SLCO3A1: variants seen among roughly 807,000 people sequenced by gnomAD.
SLCO3A1 encodes PGE1 transporter.
In SLCO3A1, 27 loss-of-function variants were observed where a neutral mutation model predicts 63.1. The observed-to-expected ratio is 0.43, with a 90% confidence interval of 0.32 to 0.59. The LOEUF is 0.59. SLCO3A1 is among the 20% of genes least tolerant of loss of function. SLCO3A1 has a pLI of 0.09. For synonymous variants in SLCO3A1, 473 were observed against 409.9 expected (o/e 1.15, Z -1.86); for missense variants, 773 against 945.8 (o/e 0.82, Z 2.40).
Position 91,875,655 on chromosome 15 carries a change from T to G in SLCO3A1, c.180+21567T>G, listed in dbSNP as rs1897381596. Reference sequence around the variant, plus strand: ...CCTGGAGACAGTTGCTCAGTCCGTGTTTTGCTTTGAAGGTTTTGCCGTAAC... The same window carrying G: ...CCTGGAGACAGTTGCTCAGTCCGTGGTTTGCTTTGAAGGTTTTGCCGTAAC... On this transcript the variant is annotated intron_variant, in intron 1 of 9. Coordinates refer to ENST00000318445, the MANE Select transcript of SLCO3A1 (RefSeq NM_013272.4). The surrounding 1 kb of genome is among the most constrained non-coding windows in gnomAD (Gnocchi z 4.5). Among the ~76,000 whole-genome samples, 1 of 152,198 alleles carries G rather than the reference T, an allele frequency of 6.6e-6. No homozygotes were observed.
At chr15:91,867,405 G>T (rs1035692585) in intron 1 of SLCO3A1, among the ~76,000 whole-genome samples, 1 of 152,194 alleles carries the variant, frequency 6.6e-6, no homozygotes, top group African/African-American at 2.4e-5. Context: ...TCCTGGGCCT[G>T]AGGACAAAAT....
At chr15:91,893,361 G>A (rs963332928) in intron 1 of SLCO3A1, among the ~76,000 whole-genome samples, 10 of 152,276 alleles carry the variant, frequency 6.6e-5, no homozygotes, top group Admixed American at 5.2e-4. Flanking sequence ...GGGTGGCTTA[G>A]AAACAACAAA....
chr15:91,989,230 T>C (rs2046094742), intron 2 of SLCO3A1, among the ~76,000 whole-genome samples: 1 of 152,226 alleles, frequency 6.6e-6, no homozygotes, highest in Non-Finnish European at 1.5e-5. Flanking sequence ...CTCTTTAGGC[T>C]CTTGTCTTCT....
At chr15:92,047,747 T>C (rs1026634655) in intron 2 of SLCO3A1, among the ~76,000 whole-genome samples, 1 of 147,684 alleles carries the variant, frequency 6.8e-6, no homozygotes, top group Non-Finnish European at 1.5e-5. Flanking sequence ...TCGTTCATCC[T>C]TTACATCTTT....
intron 2 of SLCO3A1, among the ~76,000 whole-genome samples, chr15:92,037,830 T>TTAC (rs2151485015): frequency 6.6e-6 from 1 of 152,324 alleles, no homozygotes; most frequent in Admixed American, 6.5e-5. Context: ...TACCCCCAGC[T>TTAC]TACCATAGCA....
intron 1 of SLCO3A1, among the ~76,000 whole-genome samples, chr15:91,877,660 G>C (rs1897433679): frequency 6.6e-6 from 1 of 152,050 alleles, no homozygotes; most frequent in African/African-American, 2.4e-5. Flanking sequence ...AGGGGAAGGA[G>C]GTAACTAACT....
At position 91,919,572 on chromosome 15, in the gene SLCO3A1, C is replaced by T. The variant is rs79892932; in HGVS notation, c.646+3114C>T. On this transcript the variant is annotated intron_variant, in intron 2 of 9. Transcript: ENST00000318445. ...GAGACCACTGGGCCCCTACTGAGGT[C>T]GGAGAATCCATTCTTTGGGAGTCTA... 1.4e-3 allele frequency among the ~76,000 whole-genome samples: 217 copies of T among 152,322 alleles called. 2 individuals carry two copies. Among genetic ancestry groups the T allele is most frequent in the African/African-American group, 4.8e-3 (200 of 41,572 alleles).
intron 9 of SLCO3A1, among the ~76,000 whole-genome samples, chr15:92,153,239 A>C (rs1354807961): frequency 1.3e-5 from 2 of 151,168 alleles, no homozygotes; most frequent in Non-Finnish European, 2.9e-5. Flanking sequence ...ATACAGCTGA[A>C]ACAAACAAAA....
chr15:92,083,994 G>A (rs532072119), intron 2 of SLCO3A1, among the ~76,000 whole-genome samples: 3 of 152,222 alleles, frequency 2.0e-5, no homozygotes, highest in African/African-American at 7.2e-5. Flanking sequence ...CTGTGTTCTT[G>A]GCCACTGTGT....
At chr15:92,151,790 ATGTAGAAAGGAAAACAAC>A (rs989757072) in intron 9 of SLCO3A1, among the ~76,000 whole-genome samples, 2 of 152,242 alleles carry the variant, frequency 1.3e-5, no homozygotes, top group Non-Finnish European at 2.9e-5. Flanking sequence ...TGGCATCTGA[ATGTAGAAAGGAAAACAAC>A]CATGACCTGT....
rs74392605 is a variant in SLCO3A1, at chr15:92,158,076, G to A, written c.1754-4680G>A. Among the ~76,000 whole-genome samples the A allele has an allele frequency of 0.021, 3,225 of 152,256 alleles. 229 individuals carry two copies. The East Asian group carries it at 0.28, about 13-fold the overall frequency. On this transcript the variant is annotated intron_variant, in intron 9 of 9. Coordinates refer to ENST00000318445, the MANE Select transcript of SLCO3A1 (RefSeq NM_013272.4). ...TGACAACTCCGTGTCTCTTCCTGCT[G>A]ACAAGCATAGTATCTGCTATTACTG... is the stretch of plus-strand genomic sequence containing the variant.
intron 4 of SLCO3A1, among the ~76,000 whole-genome samples, chr15:92,114,464 T>A (rs2047767787): frequency 6.6e-6 from 1 of 152,170 alleles, no homozygotes; most frequent in Admixed American, 6.5e-5. Context: ...TGAGAAGGAC[T>A]CAGGCAAGGG....
rs539985208 is a variant in SLCO3A1 at position 92,091,778 on chromosome 15, G to T, written c.647-3103G>T. ...GAAGATGCCTTTTATACCAAAATAC[G>T]TGTGCACAATGTCTTTGGTGTTTGG... On this transcript the variant is annotated intron_variant, in intron 2 of 9. Coordinates refer to ENST00000318445, the MANE Select transcript of SLCO3A1 (RefSeq NM_013272.4). 2.6e-5 allele frequency among the ~76,000 whole-genome samples: 4 copies of T among 152,314 alleles called. No individual in the cohort carries two copies. In the South Asian group the frequency reaches 6.2e-4, roughly 24 times the overall value.
At chr15:92,006,801 A>T (rs1421150347) in intron 2 of SLCO3A1, among the ~76,000 whole-genome samples, 2 of 152,230 alleles carry the variant, frequency 1.3e-5, no homozygotes, top group African/African-American at 4.8e-5. Flanking sequence ...TTACTAATGA[A>T]GCTTCTTCAT....
intron 7 of SLCO3A1, among the ~76,000 whole-genome samples, chr15:92,129,494 G>T (rs956785371): frequency 6.6e-6 from 1 of 152,084 alleles, no homozygotes; most frequent in East Asian, 1.9e-4. Flanking sequence ...TTTTCTCCCT[G>T]AAGTCCTTCG....
intron 1 of SLCO3A1, among the ~76,000 whole-genome samples, chr15:91,871,445 C>T (rs1468809984): frequency 1.3e-5 from 2 of 152,172 alleles, no homozygotes; most frequent in Non-Finnish European, 2.9e-5. Flanking sequence ...GTTGGACTCC[C>T]AGAGTCTTCA....
rs903843549 is a variant in SLCO3A1, at chr15:91,856,510, T to G, written c.180+2422T>G. Among the ~76,000 whole-genome samples, 13 of 152,232 alleles carry G rather than the reference T, an allele frequency of 8.5e-5. No individual in the cohort carries two copies. The highest frequency in any genetic ancestry group is 1.8e-4 in the Non-Finnish European group (12 of 68,036). On this transcript the variant is annotated intron_variant, in intron 1 of 9. Transcript: ENST00000318445. This position sits in a 1 kb window ranked among gnomAD's most constrained non-coding sequence, Gnocchi z 4.9. ...ATTTGGGAGATGGGGAAAAAAAGTT[T>G]GCTCCTTCAGCCATGCGAGACTTCT... is the stretch of plus-strand genomic sequence containing the variant.
downstream of SLCO3A1, among the ~76,000 whole-genome samples, chr15:92,166,297 G>A (rs574691222): frequency 1.3e-4 from 20 of 152,236 alleles, no homozygotes; most frequent in Admixed American, 9.2e-4. Context: ...CGGTCCCCCC[G>A]AGGAGCTTGC....
intron 9 of SLCO3A1, among the ~76,000 whole-genome samples, chr15:92,154,875 A>C (rs907746601): frequency 6.6e-6 from 1 of 152,140 alleles, no homozygotes; most frequent in Non-Finnish European, 1.5e-5. Flanking sequence ...AACTGTAAAA[A>C]CTAGTTGTAA....
Sources: allele counts gnomAD v4.1 joint callset (sites outside exome capture counted in the v4.1 genomes callset), GRCh38; gene constraint gnomAD v4.1.1; non-coding constraint Gnocchi (gnomAD v3.1); transcripts MANE v1.5; gene names NCBI Gene and HGNC (gene_info 2026-07-23, HGNC 2026-07-21).